The following CNTNAP2 variants were observed in gnomAD, a reference collection of about 807,000 sequenced individuals.
CNTNAP2 encodes contactin-associated protein-like 2.
In CNTNAP2, 98 loss-of-function variants were observed where a neutral mutation model predicts 155.2. The observed-to-expected ratio is 0.63, with a 90% CI of 0.54 to 0.75. The LOEUF is 0.75. Ranked by LOEUF, CNTNAP2 falls within the 30% of genes least tolerant of loss-of-function variation. CNTNAP2 has a pLI of 0.00. For missense variants in CNTNAP2, 1,727 were observed against 1,688.1 expected (o/e 1.02, Z -0.40); for synonymous variants, 651 against 631.2 (o/e 1.03, Z -0.47).
intron 2 of CNTNAP2, among the ~76,000 whole-genome samples, chr7:146,822,048 A>G (rs1017075813): frequency 7.2e-5 from 11 of 152,054 alleles, no homozygotes; most frequent in Non-Finnish European, 1.6e-4. Context: ...CACTATTCAC[A>G]GTAGCAAAGA....
chr7:147,181,892 C>A (rs961337671), intron 8 of CNTNAP2, among the ~76,000 whole-genome samples: 2 of 151,854 alleles, frequency 1.3e-5, no homozygotes, highest in African/African-American at 2.4e-5. Context: ...TTTGGGAGGC[C>A]GAGGTGGGTG....
chr7:146,946,903 C>G (rs1354403469), intron 3 of CNTNAP2, among the ~76,000 whole-genome samples: 1 of 152,052 alleles, frequency 6.6e-6, no homozygotes, highest in Non-Finnish European at 1.5e-5. Context: ...AGAGCAAATA[C>G]AAGCATTCAC....
chr7:146,666,647 C>T (rs1387140337), intron 1 of CNTNAP2, among the ~76,000 whole-genome samples: 12 of 152,190 alleles, frequency 7.9e-5, no homozygotes, highest in African/African-American at 2.7e-4. Flanking sequence ...TCTCCACATC[C>T]TTTCAAGCAT....
At chr7:147,940,302 T>TAAAAAAA (rs1245189526) in intron 14 of CNTNAP2, 1 of 14,004 alleles carries the variant, frequency 7.1e-5, no homozygotes, top group East Asian at 3.3e-3. Context: ...CCCTGTCTCT[T>TAAAAAAA]TAAAAAAAAA....
At chr7:147,189,559 AAAT>A (rs1366218070) in intron 8 of CNTNAP2, among the ~76,000 whole-genome samples, 1 of 152,218 alleles carries the variant, frequency 6.6e-6, no homozygotes, top group African/African-American at 2.4e-5. Context: ...GTTTATATAT[AAAT>A]AACTCTATAC....
intron 1 of CNTNAP2, among the ~76,000 whole-genome samples, chr7:146,717,156 C>T (rs574755318): frequency 6.6e-6 from 1 of 152,070 alleles, no homozygotes; most frequent in African/African-American, 2.4e-5. Flanking sequence ...TAGAAATAGT[C>T]CACTTTAAAT....
chr7:147,430,786 C>T (rs188823521), intron 10 of CNTNAP2, among the ~76,000 whole-genome samples: 10 of 152,100 alleles, frequency 6.6e-5, no homozygotes, highest in South Asian at 2.1e-4. Flanking sequence ...TTGAAGGAGC[C>T]GGGCACAGTG....
At chr7:148,363,799 C>T (rs1296321109) in intron 21 of CNTNAP2, among the ~76,000 whole-genome samples, 11 of 151,606 alleles carry the variant, frequency 7.3e-5, no homozygotes, top group African/African-American at 1.2e-4. Context: ...ACTCCCTCAG[C>T]TTGCAGGGAG....
chr7:147,332,138 C>T (rs965329352), intron 9 of CNTNAP2, among the ~76,000 whole-genome samples: 2 of 152,104 alleles, frequency 1.3e-5, no homozygotes, highest in Non-Finnish European at 2.9e-5. Flanking sequence ...ATACAATGTT[C>T]GGATGATCTT....
At chr7:146,168,594 T>C (rs755464384) in intron 1 of CNTNAP2, among the ~76,000 whole-genome samples, 1 of 149,914 alleles carries the variant, frequency 6.7e-6, no homozygotes, top group Non-Finnish European at 1.5e-5. Flanking sequence ...GAGGTCTTAT[T>C]TGACTCTTCT....
chr7:146,545,697 A>G (rs1798019745), intron 1 of CNTNAP2, among the ~76,000 whole-genome samples: 1 of 151,934 alleles, frequency 6.6e-6, no homozygotes. Context: ...GCTGGAAAGG[A>G]TGTGGAGAAA....
intron 11 of CNTNAP2, among the ~76,000 whole-genome samples, chr7:147,505,272 T>A (rs1401771902): frequency 6.6e-6 from 1 of 152,146 alleles, no homozygotes; most frequent in East Asian, 1.9e-4. Flanking sequence ...AATCAATATT[T>A]GCCCAGTGCA....
At chr7:148,215,513 CTTTT>C (rs11351735) in intron 18 of CNTNAP2, among the ~76,000 whole-genome samples, 3 of 143,626 alleles carry the variant, frequency 2.1e-5, no homozygotes, top group Admixed American at 1.4e-4. Context: ...TCAGGGCTTT[CTTTT>C]TTTTTTTTTT....
chr7:147,297,381 A>G (rs1338274520), intron 8 of CNTNAP2, among the ~76,000 whole-genome samples: 1 of 152,186 alleles, frequency 6.6e-6, no homozygotes, highest in African/African-American at 2.4e-5. Context: ...GTGATAGAAG[A>G]CAGAAAATTA....
chr7:148,012,218 C>A (rs1802094184), intron 15 of CNTNAP2, among the ~76,000 whole-genome samples: 1 of 152,356 alleles, frequency 6.6e-6, no homozygotes. Context: ...TCATACCCAA[C>A]CCTTCCCCTT....
chr7:146,617,288 C>G (rs1352279049), intron 1 of CNTNAP2, among the ~76,000 whole-genome samples: 1 of 152,146 alleles, frequency 6.6e-6, no homozygotes, highest in Admixed American at 6.5e-5. Flanking sequence ...ATTCCACTAC[C>G]TTTGGTTCAT....
intron 1 of CNTNAP2, among the ~76,000 whole-genome samples, chr7:146,232,489 T>TA (rs1306299438): frequency 1.3e-5 from 2 of 152,046 alleles, no homozygotes; most frequent in African/African-American, 4.8e-5. Context: ...ATGCTTGGCC[T>TA]AAAAAAATCT....
chr7:148,110,462 C>T (rs1464346104), intron 15 of CNTNAP2, among the ~76,000 whole-genome samples: 2 of 152,024 alleles, frequency 1.3e-5, no homozygotes, highest in Admixed American at 6.5e-5. Context: ...CTGGTAGTAC[C>T]ACCCGCGCCA....
intron 3 of CNTNAP2, among the ~76,000 whole-genome samples, chr7:146,943,559 A>G (rs1204481086): frequency 1.3e-5 from 2 of 152,220 alleles, no homozygotes; most frequent in Non-Finnish European, 2.9e-5. Flanking sequence ...TACTGTATTT[A>G]TCAATACTCT....
Sources: gnomAD v4.1 joint callset for allele counts (sites outside exome capture counted in the v4.1 genomes callset) on GRCh38, gnomAD v4.1.1 for gene constraint, MANE v1.5 for transcripts, NCBI Gene and HGNC (gene_info 2026-07-23, HGNC 2026-07-21) for gene names.